Variants in SUPT3H observed in about 807,000 individuals in gnomAD.
SUPT3H encodes transcription initiation protein SPT3 homolog.
SUPT3H carries 44 observed loss-of-function variants against 44.3 expected under a neutral mutation model. The ratio of observed to expected loss-of-function variants is 0.99; its 90% confidence interval spans 0.78 to 1.28. SUPT3H has a LOEUF of 1.28. Ranked by LOEUF, SUPT3H falls within the 50% of genes most tolerant of loss-of-function variation. The pLI, the probability that SUPT3H is intolerant of heterozygous loss-of-function variation, is 0.00. For synonymous variants in SUPT3H, 124 were observed against 125.6 expected (o/e 0.99, Z 0.09); for missense variants, 380 against 387.1 (o/e 0.98, Z 0.15).
At chr6:44,840,594 A>G (rs1770781465) in intron 10 of SUPT3H, among the ~76,000 whole-genome samples, 2 of 152,224 alleles carry the variant, frequency 1.3e-5, no homozygotes, top group Non-Finnish European at 2.9e-5. Flanking sequence ...TCCTACTTCT[A>G]GTGGGATTTT....
chr6:45,156,820 A>G (rs1334036144), intron 2 of SUPT3H, among the ~76,000 whole-genome samples: 2 of 152,124 alleles, frequency 1.3e-5, no homozygotes, highest in East Asian at 3.9e-4. Context: ...ATAACTTCCA[A>G]AGCTAGTGTG....
At chr6:45,061,665 T>TA (rs1191045816) in intron 3 of SUPT3H, among the ~76,000 whole-genome samples, 4 of 152,184 alleles carry the variant, frequency 2.6e-5, no homozygotes, top group Admixed American at 1.3e-4. Flanking sequence ...AACAATTTCT[T>TA]ACAATGTAGA....
chr6:45,062,531 G>C (rs1232557433), intron 3 of SUPT3H, among the ~76,000 whole-genome samples: 2 of 152,210 alleles, frequency 1.3e-5, no homozygotes, highest in Non-Finnish European at 2.9e-5. Flanking sequence ...GGTGATTTCT[G>C]CATTTCCATC....
At chr6:44,974,833 C>T (rs1240993441) in intron 6 of SUPT3H, among the ~76,000 whole-genome samples, 1 of 152,144 alleles carries the variant, frequency 6.6e-6, no homozygotes, top group Non-Finnish European at 1.5e-5. Flanking sequence ...GATAAAAATT[C>T]TATACCCTAT....
chr6:45,094,238 C>T (rs7774150), intron 3 of SUPT3H, among the ~76,000 whole-genome samples: 1 of 151,984 alleles, frequency 6.6e-6, no homozygotes, highest in Non-Finnish European at 1.5e-5. Flanking sequence ...GTAGCTAGAA[C>T]TTAGCTTAAG....
rs761430049 is a variant in SUPT3H at position 45,328,791 on chromosome 6, G to A, written c.101+36410C>T. 8.1e-6 allele frequency: 13 copies of A among 1,611,594 alleles called. No individual in the cohort carries two copies. In the Admixed American group the frequency reaches 1.8e-4, roughly 23 times the overall value. ...CAGCAAAACTTCTTTTGGGGTAAGT[G>A]TTACCATTTTTAAAATCCTGTAAGA... is the stretch of plus-strand genomic sequence containing the variant. On this transcript the variant is annotated intron_variant, in intron 2 of 10. Coordinates refer to ENST00000371459, the MANE Select transcript of SUPT3H (RefSeq NM_003599.4).
At chr6:45,065,727 C>T (rs1793169541) in intron 3 of SUPT3H, among the ~76,000 whole-genome samples, 1 of 151,454 alleles carries the variant, frequency 6.6e-6, no homozygotes, top group Non-Finnish European at 1.5e-5. Context: ...GGATAAATTC[C>T]TCAACACATA....
chr6:44,991,061 TCTA>T (rs1454691825), intron 6 of SUPT3H, among the ~76,000 whole-genome samples: 1 of 152,040 alleles, frequency 6.6e-6, no homozygotes, highest in Non-Finnish European at 1.5e-5. Flanking sequence ...ATGACTGTCT[TCTA>T]CTATTTGAGG....
rs574175816 is a variant in SUPT3H at position 44,812,942 on chromosome 6, G to A, written c.*53-3441C>T. On this transcript the variant is annotated intron_variant and NMD_transcript_variant, in intron 11 of 11. Coordinates refer to the SUPT3H transcript ENST00000475057. ...AACTCCAAAGCTGTACATATGGTGG[G>A]GTGGGGGGTGAGAGCAGCAGACGGA... Among the ~76,000 whole-genome samples the A allele has an allele frequency of 5.3e-5, 8 of 152,238 alleles. No individual in the cohort carries two copies. The South Asian group carries it at 1.7e-3, about 32-fold the overall frequency.
At position 45,176,234 on chromosome 6, in the gene SUPT3H, G is replaced by T. The variant is rs535347900; in HGVS notation, c.102-70228C>A. ...TGGGTGCGCGCACCGTGCGCGAGCCGAAGCAGGGCGAGGCATTGCCTCACC... is the reference window on the plus strand; with the variant it reads ...TGGGTGCGCGCACCGTGCGCGAGCCTAAGCAGGGCGAGGCATTGCCTCACC... On this transcript the variant is annotated intron_variant, in intron 2 of 10. Coordinates refer to ENST00000371459, the MANE Select transcript of SUPT3H (RefSeq NM_003599.4). Among the ~76,000 whole-genome samples the T allele has an allele frequency of 4.1e-4, 63 of 151,996 alleles. No individual in the cohort carries two copies. The East Asian group carries it at 0.012, about 29-fold the overall frequency.
chr6:45,123,237 C>G (rs1801925293), intron 2 of SUPT3H, among the ~76,000 whole-genome samples: 1 of 152,110 alleles, frequency 6.6e-6, no homozygotes, highest in Non-Finnish European at 1.5e-5. Flanking sequence ...TTAGTACATA[C>G]CACACTGGTA....
intron 2 of SUPT3H, among the ~76,000 whole-genome samples, chr6:45,142,882 G>T (rs1805472678): frequency 1.3e-5 from 2 of 150,888 alleles, no homozygotes; most frequent in Admixed American, 1.3e-4. Flanking sequence ...CACGCAAATG[G>T]AAACTAAAAG....
chr6:45,106,501 T>C (rs778840849), intron 2 of SUPT3H, among the ~76,000 whole-genome samples: 3 of 152,056 alleles, frequency 2.0e-5, no homozygotes, highest in Non-Finnish European at 2.9e-5. Flanking sequence ...AAAAGTGCAG[T>C]GTTATCTATG....
chr6:45,261,380 A>G lies in SUPT3H; in HGVS notation c.101+103821T>C, dbSNP rs1774334370. On this transcript the variant is annotated intron_variant, in intron 2 of 10. Transcript: ENST00000371459. ...ATCAAAAAGCTAACTGACAATGATAAAGTAGCCTTTATTCTTGTGATGCAA... is the reference window on the plus strand; with the variant it reads ...ATCAAAAAGCTAACTGACAATGATAGAGTAGCCTTTATTCTTGTGATGCAA... Among the ~76,000 whole-genome samples the G allele has an allele frequency of 2.0e-5, 3 of 152,166 alleles. No homozygotes were observed. The South Asian group carries it at 6.2e-4, about 31-fold the overall frequency.
chr6:45,124,737 C>G (rs1036393658), intron 2 of SUPT3H, among the ~76,000 whole-genome samples: 2 of 151,590 alleles, frequency 1.3e-5, no homozygotes, highest in African/African-American at 4.8e-5. Context: ...AATAAAAAAA[C>G]TGTTATAGGT....
chr6:44,822,228 A>C (rs1222027344), downstream of SUPT3H, among the ~76,000 whole-genome samples: 1 of 152,250 alleles, frequency 6.6e-6, no homozygotes, highest in East Asian at 1.9e-4. Context: ...CATAGGTGCC[A>C]AATAAGATTT....
intron 3 of SUPT3H, among the ~76,000 whole-genome samples, chr6:45,059,011 G>GGT (rs1791561333): frequency 1.3e-5 from 2 of 152,034 alleles, no homozygotes; most frequent in Admixed American, 1.3e-4. Context: ...TTATAATATA[G>GGT]GTGTAAGATA....
At chr6:44,886,053 G>T (rs956337852) in intron 10 of SUPT3H, among the ~76,000 whole-genome samples, 2 of 152,036 alleles carry the variant, frequency 1.3e-5, no homozygotes, top group African/African-American at 4.8e-5. Flanking sequence ...AAGTGAGAAG[G>T]GAAGTTTAGA....
intron 2 of SUPT3H, among the ~76,000 whole-genome samples, chr6:45,130,377 G>A (rs1022890444): frequency 6.6e-6 from 1 of 152,088 alleles, no homozygotes; most frequent in African/African-American, 2.4e-5. Context: ...ATGTCTAAAT[G>A]ATATTCCACT....
Sources: gnomAD v4.1 joint callset for allele counts (sites outside exome capture counted in the v4.1 genomes callset) on GRCh38, gnomAD v4.1.1 for gene constraint, MANE v1.5 for transcripts, NCBI Gene and HGNC (gene_info 2026-07-23, HGNC 2026-07-21) for gene names.